ZFHX3: variants seen among roughly 807,000 people sequenced by gnomAD.
ZFHX3 encodes zinc finger homeobox protein 3.
A neutral mutation model predicts 279.1 loss-of-function variants in ZFHX3; 42 were observed. The observed-to-expected ratio is 0.15, with a 90% CI of 0.12 to 0.19. The LOEUF is 0.19. Ranked by LOEUF, ZFHX3 falls within the 10% of genes least tolerant of loss-of-function variation. ZFHX3 has a pLI of 1.00. For synonymous variants in ZFHX3, 2,293 were observed against 1,957.8 expected, an observed-to-expected ratio of 1.17 and a Z score of -4.52; for missense variants, 4,981 against 4,754.0, an observed-to-expected ratio of 1.05 and a Z score of -1.40.
intron 1 of ZFHX3, among the ~76,000 whole-genome samples, chr16:73,731,860 C>A (rs1341687238): frequency 6.6e-6 from 1 of 151,994 alleles, no homozygotes; most frequent in East Asian, 1.9e-4. Context: ...TAAAGACACA[C>A]GTTTTGGAAG....
chr16:73,645,157 T>G (rs904107105), intron 2 of ZFHX3, among the ~76,000 whole-genome samples: 1 of 152,268 alleles, frequency 6.6e-6, no homozygotes, highest in Non-Finnish European at 1.5e-5. Flanking sequence ...AGGCTTTCAC[T>G]GCTAAAAATC....
chr16:73,146,474 G>A (rs541381232), intron 5 of ZFHX3, among the ~76,000 whole-genome samples: 14 of 151,978 alleles, frequency 9.2e-5, no homozygotes, highest in Non-Finnish European at 1.8e-4. Context: ...GACCATGGAG[G>A]ATCAGCTAAT....
chr16:73,585,097 A>C (rs988818285), intron 2 of ZFHX3, among the ~76,000 whole-genome samples: 1 of 152,220 alleles, frequency 6.6e-6, no homozygotes, highest in African/African-American at 2.4e-5. Context: ...GAGATTGTGG[A>C]GAGACAGGAT....
At chr16:73,136,725 C>CAAAAA (rs397855836) in intron 6 of ZFHX3, among the ~76,000 whole-genome samples, 14 of 41,584 alleles carry the variant, frequency 3.4e-4, no homozygotes, top group Admixed American at 3.9e-4. Context: ...GACTCTGCCT[C>CAAAAA]AAAAAAAAAA....
rs761741320 is a variant in ZFHX3 at position 72,959,104 on chromosome 16, G to C, written c.1042C>G (p.Gln348Glu). The C allele has an allele frequency of 6.2e-7, 1 of 1,614,240 alleles. No individual in the cohort carries two copies. Among genetic ancestry groups the C allele is most frequent in the African/African-American group, 1.3e-5 (1 of 75,072 alleles). ...SFLEPKNKNF[Q>E]HPLVSTANLI... ...TTAGCTGTGGAAACTAAAGGGTGTT[G>C]AAAGTTTTTGTTTTTTGGTTCCAGA... The change falls in exon 2 of 10, where the codon CAA (glutamine) becomes GAA (glutamate). Residue 348 changes from glutamine to glutamate, a missense_variant. Around this residue, in one of 7 missense-constraint regions of ZFHX3, gnomAD observed 1,068 missense variants for 935.2 expected, o/e 1.14. Coordinates refer to ENST00000268489, the MANE Select transcript of ZFHX3 (RefSeq NM_006885.4).
intron 4 of ZFHX3, among the ~76,000 whole-genome samples, chr16:72,867,489 A>G (rs1483337241): frequency 6.6e-6 from 1 of 152,186 alleles, no homozygotes; most frequent in East Asian, 1.9e-4. Flanking sequence ...AAAACATACC[A>G]AAATCTAAGA....
At chr16:73,147,729 G>T (rs1251245869) in intron 5 of ZFHX3, among the ~76,000 whole-genome samples, 1 of 143,844 alleles carries the variant, frequency 7.0e-6, no homozygotes, top group Non-Finnish European at 1.5e-5. Flanking sequence ...AATTAGCCAG[G>T]CATGATGGTG....
chr16:73,272,786 G>T (rs557473297), intron 4 of ZFHX3, among the ~76,000 whole-genome samples: 1 of 152,030 alleles, frequency 6.6e-6, no homozygotes, highest in Admixed American at 6.6e-5. Flanking sequence ...TTACTCTGTC[G>T]CCCAGGCTGG....
intron 2 of ZFHX3, among the ~76,000 whole-genome samples, chr16:73,658,091 C>T (rs565192841): frequency 6.6e-6 from 1 of 152,306 alleles, no homozygotes; most frequent in South Asian, 2.1e-4. Context: ...CTAATTATCA[C>T]ATCACTTGGA....
chr16:72,947,194 C>T (rs774377242), intron 3 of ZFHX3, among the ~76,000 whole-genome samples: 16 of 152,206 alleles, frequency 1.1e-4, no homozygotes, highest in Non-Finnish European at 2.1e-4. Flanking sequence ...CCCCCGGATG[C>T]CTCGGGCCCT....
At chr16:73,275,277 A>G (rs997327960) in intron 4 of ZFHX3, among the ~76,000 whole-genome samples, 3 of 152,198 alleles carry the variant, frequency 2.0e-5, no homozygotes, top group African/African-American at 4.8e-5. Context: ...ATGTTAGAAC[A>G]GAGGGGGTGA....
intron 1 of ZFHX3, among the ~76,000 whole-genome samples, chr16:73,811,832 G>C (rs573702034): frequency 9.2e-5 from 14 of 152,068 alleles, no homozygotes; most frequent in Admixed American, 6.6e-4. Flanking sequence ...TGGTTCAGTG[G>C]TTTGCCACCA....
intron 3 of ZFHX3, among the ~76,000 whole-genome samples, chr16:72,949,757 G>A (rs1428873600): frequency 2.2e-5 from 3 of 134,908 alleles, no homozygotes; most frequent in South Asian, 4.6e-4. Context: ...ACAGAGCGGG[G>A]AAGAAAAAAA....
upstream of ZFHX3, among the ~76,000 whole-genome samples, chr16:73,063,016 G>C (rs1400227931): frequency 6.6e-6 from 1 of 152,176 alleles, no homozygotes; most frequent in Non-Finnish European, 1.5e-5. Context: ...GCTCTTCTTC[G>C]GGCTCCTCGG....
intron 1 of ZFHX3, among the ~76,000 whole-genome samples, chr16:73,708,152 C>T (rs2053324255): frequency 6.6e-6 from 1 of 151,946 alleles, no homozygotes; most frequent in Admixed American, 6.6e-5. Flanking sequence ...ACTTAGCAAA[C>T]AACCCTTGAG....
chr16:73,817,006 T>C (rs537827112), intron 1 of ZFHX3, among the ~76,000 whole-genome samples: 4 of 152,288 alleles, frequency 2.6e-5, no homozygotes, highest in African/African-American at 9.6e-5. Context: ...GCCATGGGAC[T>C]GGACATAATG....
chr16:73,229,075 G>A (rs78217784), intron 5 of ZFHX3, among the ~76,000 whole-genome samples: 2,602 of 152,248 alleles, frequency 0.017, 76 homozygotes, highest in African/African-American at 0.06. Context: ...TAGAATATTA[G>A]AGATGGTCAG....
chr16:73,673,735 G>A (rs1415336246), intron 2 of ZFHX3, among the ~76,000 whole-genome samples: 1 of 152,152 alleles, frequency 6.6e-6, no homozygotes, highest in African/African-American at 2.4e-5. Flanking sequence ...GCTGGACTTG[G>A]GGCAGAACAG....
intron 7 of ZFHX3, among the ~76,000 whole-genome samples, chr16:73,106,065 T>G (rs9938769): frequency 6.6e-6 from 1 of 151,510 alleles, no homozygotes; most frequent in Non-Finnish European, 1.5e-5. Flanking sequence ...GAAGCCCTCC[T>G]AGACCCCTCC....
Sources: gnomAD v4.1 joint callset for allele counts (sites outside exome capture counted in the v4.1 genomes callset) on GRCh38, gnomAD v4.1.1 for gene constraint, gnomAD v4.1.1 regional missense constraint, MANE v1.5 for transcripts, NCBI Gene and HGNC (gene_info 2026-07-23, HGNC 2026-07-21) for gene names.